Variants in IFT46 observed in about 807,000 individuals in gnomAD.
IFT46 encodes intraflagellar transport 46, also known as intraflagellar transport protein 46 homolog.
In IFT46, 19 loss-of-function variants were observed where a neutral mutation model predicts 39.6. That is an observed-to-expected ratio of 0.48 (90% CI 0.33 to 0.70). The LOEUF is 0.70. Among genes scored for constraint, IFT46 ranks in the 30% least tolerant of loss-of-function variants. The pLI is 0.01. For synonymous variants in IFT46, 117 were observed against 134.8 expected, an observed-to-expected ratio of 0.87 and a Z score of 0.91; for missense variants, 334 against 364.8, an observed-to-expected ratio of 0.92 and a Z score of 0.69.
chr11:118,573,717 G>T (rs1338458180), upstream of IFT46: 1 of 695,926 alleles, frequency 1.4e-6, no homozygotes, highest in Non-Finnish European at 2.6e-6. Context: ...CTTTAGATAA[G>T]AACTTGGATA....
intron 9 of IFT46, among the ~76,000 whole-genome samples, chr11:118,550,061 A>C (rs1429462184): frequency 6.6e-6 from 1 of 151,652 alleles, no homozygotes; most frequent in Non-Finnish European, 1.5e-5. Context: ...CAGCCTCCCA[A>C]GTAGCTGGGA....
intron 8 of IFT46, 124 bp downstream of exon 8, chr11:118,552,090 G>A: frequency 8.2e-7 from 1 of 1,212,274 alleles, no homozygotes; most frequent in South Asian, 1.4e-5. Flanking sequence ...TAGTTGCCAG[G>A]ATCCACAGGA....
upstream of IFT46, among the ~76,000 whole-genome samples, chr11:118,574,725 CATAAA>C (rs1300427927): frequency 1.3e-5 from 2 of 151,738 alleles, no homozygotes; most frequent in Admixed American, 6.6e-5. Context: ...ATGACTTCAT[CATAAA>C]ATAAAGTACA....
intron 1 of IFT46, 185 bp downstream of exon 1, chr11:118,565,605 C>T (rs1030228848): frequency 6.6e-6 from 1 of 152,450 alleles, no homozygotes; most frequent in Non-Finnish European, 1.5e-5. Context: ...TCACCCTTAT[C>T]TTGCAGATAG....
intron 7 of IFT46, 54 bp downstream of exon 7, chr11:118,554,405 C>T (rs1937756769): frequency 2.0e-6 from 3 of 1,517,826 alleles, no homozygotes; most frequent in African/African-American, 2.8e-5. Context: ...CCAGCAAGGC[C>T]TCCTCCACTC....
chr11:118,574,338 G>A (rs994759145), upstream of IFT46, among the ~76,000 whole-genome samples: 2 of 152,136 alleles, frequency 1.3e-5, no homozygotes, highest in Non-Finnish European at 2.9e-5. Flanking sequence ...CAGTAGAAAT[G>A]TCCAGATAGG....
chr11:118,576,080 A>C (rs953974456), upstream of IFT46, among the ~76,000 whole-genome samples: 32 of 151,892 alleles, frequency 2.1e-4, no homozygotes, highest in African/African-American at 7.0e-4. Flanking sequence ...TATGTTAGGG[A>C]TATTTCAATA....
intron 9 of IFT46, among the ~76,000 whole-genome samples, chr11:118,551,098 C>T (rs1951795456): frequency 6.7e-6 from 1 of 150,178 alleles, no homozygotes; most frequent in Non-Finnish European, 1.5e-5. Flanking sequence ...TCCTGTGTTA[C>T]CATTAAAAAG....
chr11:118,556,747 A>G (rs1460380809), intron 4 of IFT46, among the ~76,000 whole-genome samples, 159 bp downstream of exon 4: 1 of 152,170 alleles, frequency 6.6e-6, no homozygotes, highest in Non-Finnish European at 1.5e-5. Context: ...AAGGGAGGAA[A>G]ACTCATTATT....
upstream of IFT46, among the ~76,000 whole-genome samples, chr11:118,575,668 A>G (rs1413898578): frequency 6.6e-6 from 1 of 152,196 alleles, no homozygotes; most frequent in Admixed American, 6.6e-5. Context: ...GTGCATGTAT[A>G]TGTGTATAAA....
upstream of IFT46, among the ~76,000 whole-genome samples, chr11:118,576,433 A>C (rs566561413): frequency 0.016 from 2,327 of 142,728 alleles, 107 homozygotes; most frequent in African/African-American, 0.056. Context: ...TGTTAAAAAA[A>C]AAAAAAAAAA....
chr11:118,573,688 A>T, upstream of IFT46: 1 of 702,844 alleles, frequency 1.4e-6, no homozygotes, highest in Non-Finnish European at 2.6e-6. Context: ...GGCAATCCTA[A>T]TAAGTTCTAT....
intron 9 of IFT46, 193 bp from the exon 10 acceptor site, chr11:118,546,046 T>C: frequency 2.8e-6 from 2 of 713,016 alleles, no homozygotes; most frequent in South Asian, 3.0e-5. Context: ...AGATAACATC[T>C]TTAAAGAGAT....
Position 118,547,744 on chromosome 11 carries a change from C to T in IFT46, c.673-1891G>A, listed in dbSNP as rs140840341. ...GCTCCTTTTACTTTTCTTTTCTTTT[C>T]TTTTTTTTTTTTTTTTTTTTGAGAC... On this transcript the variant is annotated intron_variant, in intron 9 of 11. Coordinates refer to ENST00000264021, the MANE Select transcript of IFT46 (RefSeq NM_001168618.2). Among the ~76,000 whole-genome samples the T allele has an allele frequency of 4.9e-3, 447 of 91,100 alleles. 7 individuals are homozygous for T. Among genetic ancestry groups the T allele is most frequent in the East Asian group, 0.041 (54 of 1,304 alleles). The allele number at this position is 91,100 out of a possible 152,430, so 59.8% of individuals were successfully genotyped here.
rs976198452 is a variant in IFT46 at position 118,550,555 on chromosome 11, T to C, written c.672+1231A>G. Among the ~76,000 whole-genome samples, 30 of 152,078 alleles carry C rather than the reference T, an allele frequency of 2.0e-4. No individual in the cohort carries two copies. In the East Asian group the frequency reaches 5.8e-3, roughly 29 times the overall value. ...ACGCTGGTCCTGAGCTCAAGCAATCTTCACGCCTCAGCCTCCCAAAATTAT... is the reference window on the plus strand; with the variant it reads ...ACGCTGGTCCTGAGCTCAAGCAATCCTCACGCCTCAGCCTCCCAAAATTAT... On this transcript the variant is annotated intron_variant, in intron 9 of 11. Transcript: ENST00000264021.
At chr11:118,576,450 C>CAAAAAAAA (rs1565357939), upstream of IFT46, among the ~76,000 whole-genome samples, 8 of 43,728 alleles carry the variant, frequency 1.8e-4, no homozygotes, top group South Asian at 1.4e-3. Flanking sequence ...AAAAAAAAAA[C>CAAAAAAAA]CAAAAACTTT....
At chr11:118,546,244 T>C in intron 9 of IFT46, 5 of 705,112 alleles carry the variant, frequency 7.1e-6, no homozygotes, top group South Asian at 6.1e-5. Flanking sequence ...ACGCCTGTAA[T>C]ACCAGCACTG....
intron 9 of IFT46, among the ~76,000 whole-genome samples, chr11:118,548,042 A>G (rs1255831363): frequency 4.4e-5 from 6 of 136,712 alleles, no homozygotes; most frequent in Non-Finnish European, 9.2e-5. Flanking sequence ...CACCACGCCC[A>G]GCCTTTTTTT....
chr11:118,548,466 G>C (rs1406470734), intron 9 of IFT46, among the ~76,000 whole-genome samples: 2 of 149,802 alleles, frequency 1.3e-5, no homozygotes, highest in Non-Finnish European at 2.9e-5. Flanking sequence ...CCGGGTTCAA[G>C]CGATTCTCCT....
Sources: gnomAD v4.1 joint callset for allele counts (sites outside exome capture counted in the v4.1 genomes callset) on GRCh38, gnomAD v4.1.1 for gene constraint, MANE v1.5 for transcripts, NCBI Gene and HGNC (gene_info 2026-07-23, HGNC 2026-07-21) for gene names.